PTPRT: variants seen among roughly 807,000 people sequenced by gnomAD.
The protein encoded by PTPRT is receptor-type tyrosine-protein phosphatase T.
Under a neutral mutation model 176.8 loss-of-function variants are expected in PTPRT, and 56 were observed. That is an observed-to-expected ratio of 0.32 (90% CI 0.26 to 0.40). The LOEUF (loss-of-function observed/expected upper bound fraction) is 0.40, where lower values mean the gene tolerates loss of function less well. Ranked by LOEUF, PTPRT falls within the 10% of genes least tolerant of loss-of-function variation. The pLI, the probability that PTPRT is intolerant of heterozygous loss-of-function variation, is 1.00. For missense variants in PTPRT, 1,540 were observed against 1,908.2 expected (o/e 0.81, Z 3.60); for synonymous variants, 783 against 739.0 (o/e 1.06, Z -0.96).
chr20:42,241,743 A>T (rs1489320019), intron 14 of PTPRT, among the ~76,000 whole-genome samples: 1 of 152,024 alleles, frequency 6.6e-6, no homozygotes, highest in Non-Finnish European at 1.5e-5. Context: ...AAGGAGCAGG[A>T]TTCAATTTTC....
chr20:42,954,736 A>G (rs1344584830), intron 1 of PTPRT, among the ~76,000 whole-genome samples: 1 of 152,180 alleles, frequency 6.6e-6, no homozygotes, highest in Non-Finnish European at 1.5e-5. Context: ...AGAGGCTACC[A>G]TATCTCTAAT....
chr20:42,067,298 A>G, the PTPRT span, among the ~76,000 whole-genome samples: 8 of 152,164 alleles, frequency 5.3e-5, no homozygotes, highest in Non-Finnish European at 1.0e-4. Context: ...AGAGGTTTGT[A>G]TCGGCATTTA....
At chr20:43,031,345 C>T (rs1410726962) in intron 1 of PTPRT, among the ~76,000 whole-genome samples, 1 of 152,148 alleles carries the variant, frequency 6.6e-6, no homozygotes, top group Non-Finnish European at 1.5e-5. Flanking sequence ...TCACACGGAA[C>T]AACAACTTGC....
At chr20:42,739,453 G>A (rs1021962456) in intron 6 of PTPRT, among the ~76,000 whole-genome samples, 3 of 152,138 alleles carry the variant, frequency 2.0e-5, no homozygotes, top group Non-Finnish European at 4.4e-5. Context: ...TGGCAGTGGT[G>A]AGCCAAGTTA....
chr20:42,287,064 T>C (rs1328949593), intron 12 of PTPRT, among the ~76,000 whole-genome samples: 3 of 151,990 alleles, frequency 2.0e-5, no homozygotes, highest in African/African-American at 7.2e-5. Flanking sequence ...CTTGTTAAGA[T>C]GGCTATTACA....
chr20:42,086,681 C>T (rs1034051505), intron 27 of PTPRT, among the ~76,000 whole-genome samples: 127 of 138,134 alleles, frequency 9.2e-4, no homozygotes, highest in African/African-American at 3.2e-3. Context: ...GAGCTGAGAT[C>T]GCGCCACTGC....
intron 7 of PTPRT, among the ~76,000 whole-genome samples, chr20:42,625,985 C>T (rs971080569): frequency 1.5e-5 from 2 of 129,370 alleles, no homozygotes; most frequent in Non-Finnish European, 3.4e-5. Context: ...AGAATGGATG[C>T]CAGCAATCCA....
At chr20:42,833,908 A>G (rs1457104147) in intron 2 of PTPRT, among the ~76,000 whole-genome samples, 2 of 152,206 alleles carry the variant, frequency 1.3e-5, no homozygotes, top group Admixed American at 6.5e-5. Context: ...TGTAAAATAT[A>G]AAATCAAAAA....
At chr20:42,370,275 G>T (rs1044136015) in intron 9 of PTPRT, among the ~76,000 whole-genome samples, 9 of 152,178 alleles carry the variant, frequency 5.9e-5, no homozygotes, top group Non-Finnish European at 1.0e-4. Context: ...TCTCTGCCTT[G>T]TCGGAATCCT....
chr20:42,641,004 G>A (rs2074734303), intron 7 of PTPRT, among the ~76,000 whole-genome samples: 1 of 152,124 alleles, frequency 6.6e-6, no homozygotes, highest in Non-Finnish European at 1.5e-5. Context: ...TTGCCCAATA[G>A]CATCTATAAT....
intron 7 of PTPRT, among the ~76,000 whole-genome samples, chr20:42,638,972 T>C (rs2145923238): frequency 6.6e-6 from 1 of 152,270 alleles, no homozygotes; most frequent in South Asian, 2.1e-4. Flanking sequence ...CAACAGAGAT[T>C]GCTATAGCAC....
intron 6 of PTPRT, among the ~76,000 whole-genome samples, chr20:42,750,857 A>G (rs1333839332): frequency 6.6e-6 from 1 of 152,218 alleles, no homozygotes; most frequent in Non-Finnish European, 1.5e-5. Context: ...TTTGCTGAGC[A>G]CTGGTCTGGA....
chr20:43,153,736 G>A lies in PTPRT; in HGVS notation c.88+35910C>T, dbSNP rs750795049. On this transcript the variant is annotated intron_variant, in intron 1 of 30. Transcript: ENST00000373187. ...TATTTGGGTATTTGGTTCTGTTTAT[G>A]GGAGGAGTTCTGTAAAAAGATTAGC... Among the ~76,000 whole-genome samples the A allele has an allele frequency of 5.3e-5, 8 of 152,330 alleles. No individual in the cohort carries two copies. The Middle Eastern group carries it at 0.014, about 259-fold the overall frequency.
At chr20:43,052,343 G>GC (rs1450431086) in intron 1 of PTPRT, among the ~76,000 whole-genome samples, 8 of 152,332 alleles carry the variant, frequency 5.3e-5, no homozygotes, top group Middle Eastern at 3.4e-3. Context: ...TCTATAATAA[G>GC]CCAGTTCTCT....
chr20:42,370,541 A>G lies in PTPRT; in HGVS notation c.1561-18256T>C, dbSNP rs538386337. ...TCTTCAGTGATTAACAATGTAAGCCACTTACTAGCTTTGAGACTTTGGGCA... is the reference window on the plus strand; with the variant it reads ...TCTTCAGTGATTAACAATGTAAGCCGCTTACTAGCTTTGAGACTTTGGGCA... On this transcript the variant is annotated intron_variant, in intron 9 of 30. Coordinates refer to ENST00000373187, the MANE Select transcript of PTPRT (RefSeq NM_007050.6). Among the ~76,000 whole-genome samples, 103 of 152,306 alleles carry G rather than the reference A, an allele frequency of 6.8e-4. 1 individual carries two copies. Among genetic ancestry groups the G allele is most frequent in the Non-Finnish European group, 6.2e-4 (42 of 68,028 alleles).
At chr20:42,287,398 A>T (rs2057248496) in intron 12 of PTPRT, among the ~76,000 whole-genome samples, 2 of 152,150 alleles carry the variant, frequency 1.3e-5, no homozygotes, top group South Asian at 4.1e-4. Context: ...CTATTCAGCC[A>T]TAAAAAGAAT....
chr20:42,874,075 G>A lies in PTPRT; in HGVS notation c.214+11732C>T, dbSNP rs187437094. Among the ~76,000 whole-genome samples, 1,368 of 152,198 alleles carry A rather than the reference G, an allele frequency of 9.0e-3. 30 individuals carry two copies. The highest frequency in any genetic ancestry group is 0.031 in the African/African-American group (1,275 of 41,534). ...CTCTAGCCCCTGCAGCAGCCCAATC[G>A]GTTGAATGGTCCACGAAGACATCGC... is the stretch of plus-strand genomic sequence containing the variant. On this transcript the variant is annotated intron_variant, in intron 2 of 30. Transcript: ENST00000373187.
intron 7 of PTPRT, among the ~76,000 whole-genome samples, chr20:42,485,254 G>A (rs749441966): frequency 2.6e-5 from 4 of 152,166 alleles, no homozygotes; most frequent in Non-Finnish European, 4.4e-5. Context: ...ATCTGGGTTA[G>A]TTTCACTTCA....
intron 7 of PTPRT, among the ~76,000 whole-genome samples, chr20:42,556,124 C>T (rs1396443276): frequency 6.6e-6 from 1 of 152,168 alleles, no homozygotes; most frequent in Admixed American, 6.5e-5. Flanking sequence ...TGCGTTTGTT[C>T]ACACTATCTC....
Sources: allele counts gnomAD v4.1 joint callset (sites outside exome capture counted in the v4.1 genomes callset), GRCh38; gene constraint gnomAD v4.1.1; transcripts MANE v1.5; gene names NCBI Gene and HGNC (gene_info 2026-07-23, HGNC 2026-07-21).